The following CDK12 variants were observed in gnomAD, a reference collection of about 807,000 sequenced individuals.
CDK12 encodes cyclin dependent kinase 12.
A neutral mutation model predicts 133.8 loss-of-function variants in CDK12; 17 were observed. That is an observed-to-expected ratio of 0.13 (90% confidence interval 0.09 to 0.19). CDK12 has a LOEUF of 0.19. Among genes scored for constraint, CDK12 ranks in the 10% least tolerant of loss-of-function variants. The pLI is 1.00. For synonymous variants in CDK12, 694 were observed against 683.6 expected (o/e 1.02, Z -0.24); for missense variants, 1,508 against 1,818.7 (o/e 0.83, Z 3.11).
chr17:39,497,976 CCTCTCTCTTTCT>C (rs1217721600), intron 5 of CDK12, among the ~76,000 whole-genome samples: 3 of 150,644 alleles, frequency 2.0e-5, no homozygotes, highest in Admixed American at 6.7e-5. Context: ...ACTTTCTCTC[CCTCTCTCTTTCT>C]CTCTCTCTTT....
At chr17:39,494,434 T>C in intron 4 of CDK12, 90 bp from the exon 5 acceptor site, 6 of 1,064,754 alleles carry the variant, frequency 5.6e-6, no homozygotes, top group Non-Finnish European at 8.4e-6. Context: ...AGCACTAAGT[T>C]TGTCTTCCAG....
downstream of CDK12, among the ~76,000 whole-genome samples, chr17:39,538,627 G>T (rs948531110): frequency 2.0e-5 from 3 of 152,168 alleles, no homozygotes; most frequent in East Asian, 1.9e-4. Flanking sequence ...ACCTGGGAGC[G>T]GTGGCTCACG....
Position 39,463,090 on chromosome 17 carries a change from G to C in CDK12, c.1019G>C (p.Arg340Pro). 2 of 1,614,132 alleles carry C rather than the reference G, an allele frequency of 1.2e-6. No individual in the cohort carries two copies. The highest frequency in any genetic ancestry group is 1.7e-6 in the Non-Finnish European group (2 of 1,179,994). The change falls in exon 1 of 14, where the codon CGG becomes CCG. Residue 340 changes from arginine (R) to proline (P), a missense_variant. Coordinates refer to ENST00000447079, the MANE Select transcript of CDK12 (RefSeq NM_016507.4). The part of the protein sequence containing the change: ...RRSSSPFLSK[R>P]SLSRSPLPSR... Reference sequence around the variant, plus strand: ...TCCAGCAGCCCTTTCCTGAGCAAGCGGTCTCTGAGTCGGAGTCCACTCCCC... The same window carrying C: ...TCCAGCAGCCCTTTCCTGAGCAAGCCGTCTCTGAGTCGGAGTCCACTCCCC...
At chr17:39,540,798 T>A (rs1236541196) in intron 1 of CDK12, among the ~76,000 whole-genome samples, 2 of 152,188 alleles carry the variant, frequency 1.3e-5, no homozygotes, top group Admixed American at 6.5e-5. Flanking sequence ...TCTTCCCGAA[T>A]GAGCCCATTA....
At chr17:39,561,363 C>T (rs2056368215) in intron 3 of CDK12, among the ~76,000 whole-genome samples, 1 of 152,206 alleles carries the variant, frequency 6.6e-6, no homozygotes. Flanking sequence ...CATACATCCA[C>T]ATACACCCCT....
chr17:39,464,311 C>T (rs2049143107), intron 1 of CDK12, among the ~76,000 whole-genome samples: 1 of 151,758 alleles, frequency 6.6e-6, no homozygotes, highest in Non-Finnish European at 1.5e-5. Flanking sequence ...GCCTTGACTT[C>T]CCAGGCTCAA....
At chr17:39,553,116 T>G (rs1312837865) in intron 2 of CDK12, among the ~76,000 whole-genome samples, 1 of 152,068 alleles carries the variant, frequency 6.6e-6, no homozygotes, top group Non-Finnish European at 1.5e-5. Flanking sequence ...GTACCCAGAA[T>G]TTCCTGCACT....
rs1567782885 is a variant in CDK12 at position 39,525,938 on chromosome 17, G to A, written c.3382G>A (p.Asp1128Asn). 6.2e-7 allele frequency: 1 copy of A among 1,614,140 alleles called. No homozygotes were observed. Among genetic ancestry groups the A allele is most frequent in the Non-Finnish European group, 8.5e-7 (1 of 1,180,022 alleles). The change falls in exon 13 of 14, where the codon GAC becomes AAC. Residue 1128 changes from aspartate to asparagine, a missense_variant. Asp to Asn is a conservative substitution (Grantham distance 23). This residue lies in a region of CDK12 where 399 missense variants were observed against 469.6 expected (regional missense o/e 0.85). Coordinates refer to ENST00000447079, the MANE Select transcript of CDK12 (RefSeq NM_016507.4). ...ATTAAACCTGCTGCAGAGCCAAACC[G>A]ACCTGAGCATCCCTCAAATGGCACA... is the stretch of plus-strand genomic sequence containing the variant. The part of the protein sequence containing the change: ...VLLNLLQSQT[D>N]LSIPQMAQLL...
At chr17:39,494,757 T>TTTTC (rs1397212434) in intron 5 of CDK12, 63 bp downstream of exon 5, 2 of 1,246,420 alleles carry the variant, frequency 1.6e-6, no homozygotes, top group Non-Finnish European at 2.2e-6. Flanking sequence ...TTCTTTTTTT[T>TTTTC]TTTCTTTCTT....
chr17:39,550,121 G>A (rs1231528028), upstream of CDK12: 2 of 152,074 alleles, frequency 1.3e-5, no homozygotes, highest in Non-Finnish European at 2.9e-5. Flanking sequence ...CCAATAGCAC[G>A]TTTTCACCTG....
At chr17:39,477,071 A>G (rs1463794655) in intron 2 of CDK12, among the ~76,000 whole-genome samples, 2 of 150,902 alleles carry the variant, frequency 1.3e-5, no homozygotes, top group Non-Finnish European at 2.9e-5. Flanking sequence ...CCCAGGCTGG[A>G]GTGCAGTGGT....
chr17:39,550,614 T>G (rs2055915949), intron 1 of CDK12: 1 of 152,124 alleles, frequency 6.6e-6, no homozygotes, highest in Non-Finnish European at 1.5e-5. Flanking sequence ...AAGGGCAGGG[T>G]TCAGAGGTAT....
intron 6 of CDK12, among the ~76,000 whole-genome samples, chr17:39,501,643 G>A (rs1354638899): frequency 6.6e-6 from 1 of 152,154 alleles, no homozygotes; most frequent in East Asian, 1.9e-4. Context: ...AGCTTTCTGA[G>A]TAAACATTGA....
chr17:39,464,767 A>G (rs2049176406), intron 1 of CDK12, among the ~76,000 whole-genome samples: 1 of 145,850 alleles, frequency 6.9e-6, no homozygotes, highest in Non-Finnish European at 1.5e-5. Context: ...TGGGCAACAT[A>G]GTGAGGCCCC....
upstream of CDK12, chr17:39,549,988 TTC>T (rs923640070): frequency 3.2e-4 from 46 of 142,732 alleles, no homozygotes; most frequent in African/African-American, 5.3e-4. Context: ...CCCTCATGCT[TTC>T]TCTCTCTCTC....
chr17:39,470,742 C>G (rs1280583810), intron 1 of CDK12, 137 bp from the exon 2 acceptor site: 2 of 692,990 alleles, frequency 2.9e-6, no homozygotes, highest in African/African-American at 3.7e-5. Context: ...GTTTCTCAGA[C>G]TGTCCTCGTT....
intron 6 of CDK12, among the ~76,000 whole-genome samples, chr17:39,506,212 A>ATTTTTTTT (rs1177367409): frequency 1.7e-5 from 2 of 119,758 alleles, no homozygotes; most frequent in Non-Finnish European, 3.4e-5. Context: ...TGATTATATG[A>ATTTTTTTT]TTTTTTTTTT....
At chr17:39,524,284 G>A (rs2054357681) in intron 11 of CDK12, among the ~76,000 whole-genome samples, 2 of 152,056 alleles carry the variant, frequency 1.3e-5, no homozygotes, top group African/African-American at 4.8e-5. Context: ...GCCTTTCCTC[G>A]ACCTTCTGTA....
intron 2 of CDK12, among the ~76,000 whole-genome samples, chr17:39,556,033 C>CAA (rs145940269): frequency 9.7e-5 from 7 of 72,350 alleles, no homozygotes; most frequent in African/African-American, 2.0e-4. Context: ...GACCCTGTCT[C>CAA]AAAAAAAAAA....
Sources: allele counts gnomAD v4.1 joint callset (sites outside exome capture counted in the v4.1 genomes callset), GRCh38; gene constraint gnomAD v4.1.1; regional missense constraint gnomAD v4.1.1; transcripts MANE v1.5; gene names NCBI Gene and HGNC (gene_info 2026-07-23, HGNC 2026-07-21).